Variants in LBH observed in about 807,000 individuals in gnomAD.
LBH encodes LBH regulator of Wnt signaling pathway, also known as protein LBH.
Under a neutral mutation model 12.5 loss-of-function variants are expected in LBH, and 7 were observed. The observed-to-expected ratio is 0.56, with a 90% CI of 0.32 to 1.05. LBH has a LOEUF of 1.05. LBH is among the 50% of genes least tolerant of loss of function. The pLI is 0.04. For synonymous variants in LBH, 51 were observed against 50.1 expected (o/e 1.02, Z -0.08); for missense variants, 119 against 138.9 (o/e 0.86, Z 0.72).
intron 2 of LBH, among the ~76,000 whole-genome samples, chr2:30,243,024 C>T (rs1677815377): frequency 6.6e-6 from 1 of 152,168 alleles, no homozygotes. Context: ...GCATTGAAAG[C>T]TCTAGCAAAT....
chr2:30,234,359 T>G (rs754909343), intron 1 of LBH, 46 bp from the exon 2 acceptor site: 12 of 1,434,298 alleles, frequency 8.4e-6, no homozygotes, highest in Non-Finnish European at 1.1e-5. Flanking sequence ...GTTAGGAATG[T>G]GAAAGCGCGT....
At chr2:30,232,688 G>C (rs1677614766) in intron 1 of LBH, 1 of 154,012 alleles carries the variant, frequency 6.5e-6, no homozygotes, top group South Asian at 2.0e-4. Flanking sequence ...CCTGGCCCAA[G>C]AAGCGGAAAG....
intron 2 of LBH, among the ~76,000 whole-genome samples, chr2:30,236,435 A>G (rs1357991104): frequency 1.3e-5 from 2 of 152,218 alleles, no homozygotes; most frequent in African/African-American, 2.4e-5. Flanking sequence ...CTGAGGGCCC[A>G]GTTCTCAGAG....
At chr2:30,251,553 G>C in intron 2 of LBH, among the ~76,000 whole-genome samples, 1 of 151,246 alleles carries the variant, frequency 6.6e-6, no homozygotes, top group East Asian at 2.0e-4. Flanking sequence ...TGTAATCCCA[G>C]CACTTTGGGA....
chr2:30,241,712 C>A (rs116455620), intron 2 of LBH, among the ~76,000 whole-genome samples: 6 of 152,060 alleles, frequency 3.9e-5, no homozygotes, highest in Non-Finnish European at 7.4e-5. Flanking sequence ...ATCCTCCCCC[C>A]TCAGCCTCCC....
At chr2:30,241,460 C>CTTTTT (rs777223190) in intron 2 of LBH, among the ~76,000 whole-genome samples, 2 of 132,628 alleles carry the variant, frequency 1.5e-5, no homozygotes, top group Non-Finnish European at 3.2e-5. Context: ...TTCTTTCTTT[C>CTTTTT]TTTTTTTTTT....
chr2:30,239,014 C>T (rs1269821942), intron 2 of LBH, among the ~76,000 whole-genome samples: 6 of 151,794 alleles, frequency 4.0e-5, no homozygotes, highest in Admixed American at 3.9e-4. Context: ...TTCAGCCTCC[C>T]GAGTAGCTGG....
intron 2 of LBH, among the ~76,000 whole-genome samples, chr2:30,242,405 G>A (rs1677806028): frequency 6.6e-6 from 1 of 152,048 alleles, no homozygotes; most frequent in African/African-American, 2.4e-5. Context: ...CACCATGCCT[G>A]GCTGGTTTTT....
rs929579488 is a variant in LBH at position 30,258,726 on chromosome 2, C to T, written c.*1105C>T. On this transcript the variant is annotated 3_prime_UTR_variant, in exon 3 of 3. Coordinates refer to ENST00000395323, the MANE Select transcript of LBH (RefSeq NM_030915.4). ...TTGTGGGAGCCTAGTGGAGAGCAGA[C>T]GTGGCTTTTTATGTGTCTTGTTGGG... 2 of 152,438 alleles carry T rather than the reference C, an allele frequency of 1.3e-5. No individual in the cohort carries two copies. The highest frequency in any genetic ancestry group is 4.8e-5 in the African/African-American group (2 of 41,418). The allele number at this position is 152,438 out of a possible 1,614,324, so 9.4% of individuals were successfully genotyped here.
chr2:30,249,064 G>A (rs554533503), intron 2 of LBH, among the ~76,000 whole-genome samples: 1 of 140,478 alleles, frequency 7.1e-6, no homozygotes, highest in South Asian at 2.1e-4. Flanking sequence ...TAAGGAAGAT[G>A]AGAGTCTTAA....
At chr2:30,236,239 C>T (rs937070171) in intron 2 of LBH, among the ~76,000 whole-genome samples, 6 of 152,230 alleles carry the variant, frequency 3.9e-5, no homozygotes, top group Non-Finnish European at 5.9e-5. Context: ...CTCAATGCTT[C>T]GAGTCCTTCA....
intron 1 of LBH, chr2:30,234,150 G>A (rs1357978026): frequency 6.2e-6 from 3 of 481,954 alleles, no homozygotes; most frequent in Non-Finnish European, 1.1e-5. Context: ...GGGGACTAGA[G>A]TACAGGAGAG....
At chr2:30,241,195 C>T (rs963516612) in intron 2 of LBH, among the ~76,000 whole-genome samples, 3 of 152,132 alleles carry the variant, frequency 2.0e-5, no homozygotes, top group African/African-American at 7.2e-5. Flanking sequence ...GCCACTTATC[C>T]CCATGGACGT....
rs1338920128 is a variant in LBH at position 30,259,707 on chromosome 2, TC to T, written c.*2087del. On this transcript the variant is annotated 3_prime_UTR_variant, in exon 3 of 3. Transcript: ENST00000395323. Reference sequence around the variant, plus strand: ...GACCACTTTGTATGACCGTTTGCAGTCTGAGCAGGCCAGGGGCTGACAGCTA... The same window carrying T: ...GACCACTTTGTATGACCGTTTGCAGTTGAGCAGGCCAGGGGCTGACAGCTA... 6.6e-6 allele frequency: 1 copy of T among 152,646 alleles called. No homozygotes were observed. Among genetic ancestry groups the T allele is most frequent in the Non-Finnish European group, 1.5e-5 (1 of 68,058 alleles). The allele number at this position is 152,646 out of a possible 1,614,324, so 9.5% of individuals were successfully genotyped here.
At chr2:30,245,502 CTT>C (rs1677855921) in intron 2 of LBH, among the ~76,000 whole-genome samples, 1 of 152,294 alleles carries the variant, frequency 6.6e-6, no homozygotes, top group Non-Finnish European at 1.5e-5. Flanking sequence ...GGGAGGGCAG[CTT>C]TGAGCTTGGT....
intron 2 of LBH, among the ~76,000 whole-genome samples, chr2:30,254,991 C>G (rs1403611624): frequency 6.6e-6 from 1 of 152,250 alleles, no homozygotes; most frequent in Non-Finnish European, 1.5e-5. Context: ...GGTGGAGACC[C>G]AGCAGCAGCC....
chr2:30,236,975 C>A (rs185914965), intron 2 of LBH, among the ~76,000 whole-genome samples: 8 of 152,190 alleles, frequency 5.3e-5, no homozygotes, highest in Non-Finnish European at 7.3e-5. Flanking sequence ...CTGACCATTG[C>A]GGTGTGACAG....
intron 2 of LBH, among the ~76,000 whole-genome samples, chr2:30,237,388 C>T (rs756996529): frequency 5.3e-5 from 8 of 152,080 alleles, no homozygotes; most frequent in African/African-American, 1.7e-4. Flanking sequence ...CCAGCTGTGA[C>T]GTTTCTTTTA....
At position 30,257,320 on chromosome 2, in the gene LBH, A is replaced by G. The variant is rs78577380; in HGVS notation, c.130-113A>G. 9,734 of 1,176,156 alleles carry G rather than the reference A, an allele frequency of 8.3e-3. 545 individuals carry two copies. In the African/African-American group the frequency reaches 0.12, roughly 15 times the overall value. The allele number at this position is 1,176,156 out of a possible 1,614,324, so 72.9% of individuals were successfully genotyped here. ...CCACAGCCTCCCGAGTGCAAAGCAC[A>G]GTCCCTGGCCTATGGCATGCACCCA... On this transcript the variant is annotated intron_variant, in intron 2 of 2. Coordinates refer to ENST00000395323, the MANE Select transcript of LBH (RefSeq NM_030915.4).
Sources: allele counts gnomAD v4.1 joint callset (sites outside exome capture counted in the v4.1 genomes callset), GRCh38; gene constraint gnomAD v4.1.1; transcripts MANE v1.5; gene names NCBI Gene and HGNC (gene_info 2026-07-23, HGNC 2026-07-21).